TIAM2: variants seen among roughly 807,000 people sequenced by gnomAD.
TIAM2 encodes rho guanine nucleotide exchange factor TIAM2.
TIAM2 carries 80 observed loss-of-function variants against 152.9 expected under a neutral mutation model. The observed-to-expected ratio is 0.52, with a 90% CI of 0.44 to 0.63. The LOEUF (loss-of-function observed/expected upper bound fraction) is 0.63. TIAM2 is among the 30% of genes least tolerant of loss of function. TIAM2 has a pLI of 0.00. For synonymous variants in TIAM2, 804 were observed against 838.0 expected, an observed-to-expected ratio of 0.96 and a Z score of 0.70; for missense variants, 1,965 against 2,120.1, an observed-to-expected ratio of 0.93 and a Z score of 1.44.
chr6:155,139,869 G>A (rs974945273), intron 5 of TIAM2, among the ~76,000 whole-genome samples: 4 of 152,238 alleles, frequency 2.6e-5, no homozygotes, highest in Non-Finnish European at 4.4e-5. Flanking sequence ...GAACCTGGGA[G>A]GCGGAGGTTG....
intron 1 of TIAM2, among the ~76,000 whole-genome samples, chr6:155,014,592 CT>C (rs1386043736): frequency 6.6e-6 from 1 of 152,124 alleles, no homozygotes; most frequent in Non-Finnish European, 1.5e-5. Context: ...GCTTTTGACT[CT>C]GGTGGATGGT....
rs1317902755 is a variant in TIAM2 at position 155,256,775 on chromosome 6, A to G, written c.4760A>G (p.Asp1587Gly). 6.2e-7 allele frequency: 1 copy of G among 1,614,210 alleles called. No individual in the cohort carries two copies. Among genetic ancestry groups the G allele is most frequent in the Non-Finnish European group, 8.5e-7 (1 of 1,180,046 alleles). The change falls in exon 27 of 27, where the codon GAC (aspartate) becomes GGC (glycine). Residue 1587 changes from aspartate to glycine, a missense_variant. By Grantham distance (94) the Asp-to-Gly change is moderately conservative (BLOSUM62 -1). Around this residue, in one of 3 missense-constraint regions of TIAM2, gnomAD observed 935 missense variants for 980.0 expected, o/e 0.95. Transcript: ENST00000682666. ...QTVKQGSPTK[D>G]IEIQFQRLRI... ...GTGAAGCAGGGCAGCCCTACTAAAGACATCGAAATTCAGTTCCAGAGACTG... is the reference window on the plus strand; with the variant it reads ...GTGAAGCAGGGCAGCCCTACTAAAGGCATCGAAATTCAGTTCCAGAGACTG...
At chr6:155,031,392 A>G (rs1009184391) in intron 1 of TIAM2, among the ~76,000 whole-genome samples, 4 of 152,176 alleles carry the variant, frequency 2.6e-5, no homozygotes, top group Non-Finnish European at 4.4e-5. Flanking sequence ...ATTTTTTAGT[A>G]GCTGTCTCAA....
intron 2 of TIAM2, among the ~76,000 whole-genome samples, chr6:155,096,922 T>C (rs1458696643): frequency 3.3e-5 from 5 of 152,216 alleles, no homozygotes; most frequent in African/African-American, 1.2e-4. Context: ...TTGAGGAAAC[T>C]CCAAACCGTT....
intron 2 of TIAM2, among the ~76,000 whole-genome samples, chr6:155,095,947 A>T (rs1778411279): frequency 6.6e-6 from 1 of 152,206 alleles, no homozygotes; most frequent in Admixed American, 6.5e-5. Context: ...TTTTACAAGC[A>T]TATTTCCTGA....
intron 1 of TIAM2, among the ~76,000 whole-genome samples, chr6:155,041,327 A>T (rs11967067): frequency 6.6e-6 from 1 of 152,146 alleles, no homozygotes; most frequent in Admixed American, 6.5e-5. Context: ...GTGAATTGAA[A>T]GTTGCTCTAC....
chr6:155,059,294 C>G (rs6557397), intron 1 of TIAM2, among the ~76,000 whole-genome samples: 41,401 of 116,890 alleles, frequency 0.35, 6,353 homozygotes, highest in Non-Finnish European at 0.44. Flanking sequence ...GTGTGTGTGT[C>G]TGTGTGTGTG....
intron 14 of TIAM2, among the ~76,000 whole-genome samples, chr6:155,204,335 C>A (rs865810259): frequency 2.6e-5 from 4 of 152,002 alleles, no homozygotes; most frequent in Middle Eastern, 3.4e-3. Flanking sequence ...ATGGTCATAC[C>A]ACCAAGACAC....
At position 155,130,091 on chromosome 6, in the gene TIAM2, T is replaced by G; in HGVS notation, c.868T>G (p.Phe290Val). Residue 290 changes from phenylalanine to valine, a missense_variant, in exon 4 of 27, where the codon TTC becomes GTC. Phe to Val is a conservative substitution (Grantham distance 50, BLOSUM62 -1). Transcript: ENST00000682666. ...CCCACCTGGCGATGCCAAAAAGCCT[T>G]TCAACCAAAGCTCTTCCCTCTCCTC... ...SFPPGDAKKP[F>V]NQSSSLSSLR... The G allele has an allele frequency of 1.9e-6, 3 of 1,614,088 alleles. No homozygotes were observed. Among genetic ancestry groups the G allele is most frequent in the Non-Finnish European group, 2.5e-6 (3 of 1,180,022 alleles).
chr6:155,036,656 T>C (rs1164303332), intron 1 of TIAM2, among the ~76,000 whole-genome samples: 2 of 151,514 alleles, frequency 1.3e-5, no homozygotes, highest in Non-Finnish European at 2.9e-5. Flanking sequence ...TTACTCTTGT[T>C]GCCCAGGCTG....
intron 1 of TIAM2, among the ~76,000 whole-genome samples, chr6:155,030,245 G>A (rs1010220865): frequency 6.6e-6 from 1 of 152,162 alleles, no homozygotes; most frequent in African/African-American, 2.4e-5. Flanking sequence ...GCCAGATGCA[G>A]ATGGAGAGTT....
intron 1 of TIAM2, among the ~76,000 whole-genome samples, chr6:155,052,307 C>A (rs540347508): frequency 1.3e-4 from 20 of 152,172 alleles, no homozygotes; most frequent in African/African-American, 4.6e-4. Flanking sequence ...AGCATAATAT[C>A]AATGATTTAT....
chr6:155,028,546 C>G (rs1776689751), intron 1 of TIAM2, among the ~76,000 whole-genome samples: 1 of 133,376 alleles, frequency 7.5e-6, no homozygotes, highest in East Asian at 2.2e-4. Context: ...TACATATATA[C>G]TACATATAAT....
At chr6:155,042,553 C>A (rs1297047517) in intron 1 of TIAM2, among the ~76,000 whole-genome samples, 1 of 152,110 alleles carries the variant, frequency 6.6e-6, no homozygotes, top group African/African-American at 2.4e-5. Context: ...GCTGGGATCG[C>A]GCCGCTGCAG....
chr6:155,039,450 A>T (rs909950427), intron 1 of TIAM2, among the ~76,000 whole-genome samples: 17 of 151,852 alleles, frequency 1.1e-4, no homozygotes, highest in African/African-American at 3.4e-4. Context: ...CAAAATGCTG[A>T]TGGCCATGGT....
chr6:155,045,456 T>TA (rs1777154425), intron 1 of TIAM2, among the ~76,000 whole-genome samples: 3 of 34,180 alleles, frequency 8.8e-5, no homozygotes, highest in African/African-American at 3.6e-4. Flanking sequence ...CTTATTAGAA[T>TA]TTTTTTTAAG....
At chr6:155,032,950 G>A (rs1197155825) in intron 1 of TIAM2, among the ~76,000 whole-genome samples, 1 of 152,200 alleles carries the variant, frequency 6.6e-6, no homozygotes, top group Admixed American at 6.5e-5. Flanking sequence ...TCTGCCTTTA[G>A]TTGAAAACAG....
intron 9 of TIAM2, among the ~76,000 whole-genome samples, chr6:155,176,315 C>T (rs972690142): frequency 2.0e-5 from 3 of 152,188 alleles, no homozygotes; most frequent in African/African-American, 7.2e-5. Context: ...CTCACTGCAA[C>T]CTCTGCCTCC....
intron 1 of TIAM2, among the ~76,000 whole-genome samples, chr6:155,048,197 C>A (rs1777245436): frequency 1.3e-5 from 2 of 152,116 alleles, no homozygotes; most frequent in South Asian, 2.1e-4. Context: ...AAGTGATCTG[C>A]CTGACTTGGA....
Sources: gnomAD v4.1 joint callset for allele counts (sites outside exome capture counted in the v4.1 genomes callset) on GRCh38, gnomAD v4.1.1 for gene constraint, gnomAD v4.1.1 regional missense constraint, MANE v1.5 for transcripts, NCBI Gene and HGNC (gene_info 2026-07-23, HGNC 2026-07-21) for gene names.